The following POU2F2 variants were observed in gnomAD, a reference collection of about 807,000 sequenced individuals.
The protein encoded by POU2F2 is POU class 2 homeobox 2, also known as POU domain, class 2, transcription factor 2.
In POU2F2, 14 loss-of-function variants were observed where a neutral mutation model predicts 63.5. The observed-to-expected ratio is 0.22, with a 90% CI of 0.15 to 0.34. The LOEUF (loss-of-function observed/expected upper bound fraction) is 0.34. POU2F2 is among the 10% of genes least tolerant of loss of function. The pLI is 1.00. For synonymous variants in POU2F2, 306 were observed against 348.6 expected (o/e 0.88, Z 1.36); for missense variants, 607 against 815.2 (o/e 0.74, Z 3.11).
At chr19:42,102,077 A>C (rs1179731216) in intron 5 of POU2F2, among the ~76,000 whole-genome samples, 1 of 152,220 alleles carries the variant, frequency 6.6e-6, no homozygotes, top group African/African-American at 2.4e-5. Flanking sequence ...GTTTACCACA[A>C]GACATGTACT....
chr19:42,124,303 C>CAAAAAAAAAAAA (rs1249716927), intron 1 of POU2F2, among the ~76,000 whole-genome samples: 1 of 44,270 alleles, frequency 2.3e-5, no homozygotes. Context: ...GACCCTGTCT[C>CAAAAAAAAAAAA]AAAAAAAAAA....
At position 42,162,392 on chromosome 19, in the gene POU2F2, G is replaced by T. The variant is rs546329672; in HGVS notation, c.-69-2000C>A. Among the ~76,000 whole-genome samples, 75 of 152,280 alleles carry T rather than the reference G, an allele frequency of 4.9e-4. No individual in the cohort carries two copies. Among genetic ancestry groups the T allele is most frequent in the African/African-American group, 1.8e-3 (74 of 41,568 alleles). The stretch of plus-strand genomic sequence containing the variant: ...ATCTAGGAGCTGTATTCCCAGCAGT[G>T]CCTTAAGACTGGGAGCTATTTAGAA... On this transcript the variant is annotated intron_variant, in intron 1 of 6. Coordinates refer to the POU2F2 transcript ENST00000524801. This position sits in a 1 kb window ranked among gnomAD's most constrained non-coding sequence, Gnocchi z 4.1.
chr19:42,126,849 C>T (rs2033244230), intron 1 of POU2F2, among the ~76,000 whole-genome samples: 2 of 152,202 alleles, frequency 1.3e-5, no homozygotes, highest in African/African-American at 4.8e-5. Context: ...CTGAATGTCC[C>T]TCTCTTTAGC....
At chr19:42,150,290 G>C (rs115123972) in intron 2 of POU2F2, among the ~76,000 whole-genome samples, 94 of 152,022 alleles carry the variant, frequency 6.2e-4, no homozygotes, top group African/African-American at 2.1e-3. Flanking sequence ...GGCCTAGATG[G>C]GGGGTGGAAG....
At chr19:42,177,647 G>GAGAGACACAGAGACACACGGACACAC (rs565107959), upstream of POU2F2, among the ~76,000 whole-genome samples, 6 of 151,920 alleles carry the variant, frequency 3.9e-5, no homozygotes, top group Admixed American at 3.3e-4. Context: ...CAGAGATACT[G>GAGAGACACAGAGACACACGGACACAC]AGAGACACAG....
chr19:42,125,361 CA>C (rs397956774), intron 1 of POU2F2, among the ~76,000 whole-genome samples: 221 of 9,242 alleles, frequency 0.024, no homozygotes, highest in Middle Eastern at 0.056. Context: ...GACTCTGTCT[CA>C]AAAAAAAAAA....
At chr19:42,194,237 T>C (rs2035104502) in intron 1 of POU2F2, among the ~76,000 whole-genome samples, 1 of 149,030 alleles carries the variant, frequency 6.7e-6, no homozygotes, top group Admixed American at 6.7e-5. Context: ...ATAATAATAA[T>C]AAGCCAGGTG....
chr19:42,092,207 C>T lies in POU2F2; in HGVS notation c.1328G>A (p.Gly443Asp), dbSNP rs1186768009. Residue 443 changes from glycine (G) to aspartate (D), a missense_variant, in exon 13 of 15, where the codon GGC (glycine) becomes GAC (aspartate). This residue lies in a region of POU2F2 where 270 missense variants were observed against 307.5 expected (regional missense o/e 0.88). Coordinates refer to ENST00000692977, the MANE Select transcript of POU2F2 (RefSeq NM_001394376.1). This position sits in a 1 kb window ranked among gnomAD's most constrained non-coding sequence, Gnocchi z 5.0. Reference sequence around the variant, plus strand: ...GAGGGGGGGCGCAGCCCCGCCCCCGCCCCCACCCCCTCCAGCTGTCCGGCT... The same window carrying T: ...GAGGGGGGGCGCAGCCCCGCCCCCGTCCCCACCCCCTCCAGCTGTCCGGCT... ...HPSRTAGGGG[G>D]GGGAAPPLNS... 6.4e-7 allele frequency: 1 copy of T among 1,563,192 alleles called. No individual in the cohort carries two copies. The highest frequency in any genetic ancestry group is 2.0e-5 in the Admixed American group (1 of 50,098).
At chr19:42,135,996 C>T (rs2034003422), upstream of POU2F2, among the ~76,000 whole-genome samples, 1 of 152,044 alleles carries the variant, frequency 6.6e-6, no homozygotes, top group African/African-American at 2.4e-5. Flanking sequence ...CAGACATGAC[C>T]TCAAGCCTAT....
chr19:42,116,800 C>A (rs548531834), intron 5 of POU2F2: 2 of 372,594 alleles, frequency 5.4e-6, no homozygotes, highest in South Asian at 1.9e-5. Context: ...GTCACCCCCC[C>A]CAGAGGAGGC....
At chr19:42,145,287 C>T (rs1650497) in intron 2 of POU2F2, among the ~76,000 whole-genome samples, 148,279 of 152,284 alleles carry the variant, frequency 0.97, 72,226 homozygotes, top group East Asian at 1. Context: ...GAATTAGAAG[C>T]TGCCTTGGCC....
chr19:42,117,519 AG>A lies in POU2F2; in HGVS notation c.187-88del, dbSNP rs2032079828. The A allele has an allele frequency of 1.5e-6, 1 of 661,132 alleles. No individual in the cohort carries two copies. Among genetic ancestry groups the A allele is most frequent in the African/African-American group, 1.9e-5 (1 of 52,430 alleles). 41.0% of individuals were successfully genotyped at this position (661,132 alleles called of 1,614,324 possible). A position where few individuals can be genotyped will look rare whatever the true frequency, so the allele number is the denominator to read the frequency against. On this transcript the variant is annotated intron_variant, in intron 4 of 14. Coordinates refer to ENST00000692977, the MANE Select transcript of POU2F2 (RefSeq NM_001394376.1). This position sits in a 1 kb window ranked among gnomAD's most constrained non-coding sequence, Gnocchi z 4.4. ...GACTGGGGTGTGGACATGAGGGTGC[AG>A]TCTGTGGTCCTGCACTGACCGCTGG...
At chr19:42,105,160 C>A (rs1462096741) in intron 5 of POU2F2, among the ~76,000 whole-genome samples, 1 of 152,148 alleles carries the variant, frequency 6.6e-6, no homozygotes, top group African/African-American at 2.4e-5. Context: ...GGCCCCATAC[C>A]TAATTTTTGT....
At chr19:42,103,637 T>A (rs1868289395) in intron 5 of POU2F2, among the ~76,000 whole-genome samples, 1 of 141,710 alleles carries the variant, frequency 7.1e-6, no homozygotes, top group Non-Finnish European at 1.5e-5. Context: ...CTTTTTTTTT[T>A]TTTTTTTTTT....
Position 42,117,339 on chromosome 19 carries a change from A to C in POU2F2, c.280T>G (p.Ser94Ala). The C allele has an allele frequency of 6.5e-7, 1 of 1,528,344 alleles. No individual in the cohort carries two copies. Among genetic ancestry groups the C allele is most frequent in the South Asian group, 1.3e-5 (1 of 76,578 alleles). The allele number at this position is 1,528,344 out of a possible 1,614,324, so 94.7% of individuals were successfully genotyped here. A position where few individuals can be genotyped will look rare whatever the true frequency, so the allele number is the denominator to read the frequency against. ...GGGGGCAGGGGTGCTGCTGGGGCTGAATCGCCACTGGGGTCTTCAGCCTTG... is the reference window on the plus strand; with the variant it reads ...GGGGGCAGGGGTGCTGCTGGGGCTGCATCGCCACTGGGGTCTTCAGCCTTG... The part of the protein sequence containing the change: ...QIKAEDPSGD[S>A]APAAPLPPQP... The change falls in exon 5 of 15, where the codon TCA becomes GCA. Residue 94 changes from serine (S) to alanine (A), a missense_variant. Physicochemically the swap from Ser to Ala is moderately conservative, Grantham distance 99. Around this residue, in one of 7 missense-constraint regions of POU2F2, gnomAD observed 224 missense variants for 264.3 expected, o/e 0.85. Transcript: ENST00000692977. The surrounding 1 kb of genome is among the most constrained non-coding windows in gnomAD (Gnocchi z 4.4).
chr19:42,167,808 A>G (rs1031872695), intron 1 of POU2F2, among the ~76,000 whole-genome samples: 2 of 152,132 alleles, frequency 1.3e-5, no homozygotes, highest in African/African-American at 4.8e-5. Flanking sequence ...CATATTGCCT[A>G]TGGGGCCTTC....
rs2076665417 is a variant in POU2F2 at position 42,090,039 on chromosome 19, G to A, written c.*1218C>T. On this transcript the variant is annotated 3_prime_UTR_variant, in exon 15 of 15. Coordinates refer to ENST00000692977, the MANE Select transcript of POU2F2 (RefSeq NM_001394376.1). This position sits in a 1 kb window ranked among gnomAD's most constrained non-coding sequence, Gnocchi z 4.4. ...ACCCTGATGGGGATGCCATCTCGAG[G>A]AACCCCACCACTGGGGTGTGTGCGT... The A allele has an allele frequency of 6.6e-6, 1 of 152,580 alleles. No individual in the cohort carries two copies. Among genetic ancestry groups the A allele is most frequent in the Admixed American group, 6.5e-5 (1 of 15,268 alleles). The allele number at this position is 152,580 out of a possible 1,614,324, so 9.5% of individuals were successfully genotyped here.
At chr19:42,174,082 G>C (rs2034823711) in intron 1 of POU2F2, among the ~76,000 whole-genome samples, 3 of 152,220 alleles carry the variant, frequency 2.0e-5, no homozygotes, top group South Asian at 2.1e-4. Context: ...CAGCTTCAAG[G>C]CTGCTGTGCA....
At chr19:42,107,349 C>T (rs746001758) in intron 5 of POU2F2, among the ~76,000 whole-genome samples, 24 of 151,744 alleles carry the variant, frequency 1.6e-4, no homozygotes, top group Admixed American at 1.2e-3. Flanking sequence ...AGTGAGACTC[C>T]GTCTCAAAAA....
Sources: allele counts gnomAD v4.1 joint callset (sites outside exome capture counted in the v4.1 genomes callset), GRCh38; gene constraint gnomAD v4.1.1; regional missense constraint gnomAD v4.1.1; non-coding constraint Gnocchi (gnomAD v3.1); transcripts MANE v1.5; gene names NCBI Gene and HGNC (gene_info 2026-07-23, HGNC 2026-07-21).